The following SLC30A7 variants were observed in gnomAD, a reference collection of about 807,000 sequenced individuals.
The protein encoded by SLC30A7 is zinc transporter 7.
In SLC30A7, 35 loss-of-function variants were observed where a neutral mutation model predicts 46.0. The observed-to-expected ratio is 0.76, with a 90% CI of 0.58 to 1.01. The LOEUF is 1.01. Among genes scored for constraint, SLC30A7 ranks in the 50% least tolerant of loss-of-function variants. The pLI, the probability that SLC30A7 is intolerant of heterozygous loss-of-function variation, is 0.00. For synonymous variants in SLC30A7, 147 were observed against 157.8 expected, an observed-to-expected ratio of 0.93 and a Z score of 0.51; for missense variants, 464 against 451.1, an observed-to-expected ratio of 1.03 and a Z score of -0.26.
chr1:100,945,459 T>C (rs958920567), intron 8 of SLC30A7, among the ~76,000 whole-genome samples: 9 of 152,218 alleles, frequency 5.9e-5, no homozygotes, highest in African/African-American at 2.2e-4. Context: ...GAATTAATTT[T>C]TGTATAAGGT....
chr1:100,967,653 C>T (rs1239657786), intron 10 of SLC30A7, among the ~76,000 whole-genome samples: 1 of 152,198 alleles, frequency 6.6e-6, no homozygotes, highest in African/African-American at 2.4e-5. Context: ...TGAATCTAAC[C>T]ATGAGCAAAC....
chr1:100,911,137 CAGA>C lies in SLC30A7; in HGVS notation c.374_376del (p.Glu125del). On this transcript the variant is annotated inframe_deletion, in exon 4 of 11. Transcript: ENST00000357650. ...ATCTTCACTGCTTTTTTTATTTTCT[CAGA>C]AGGAGTTGAGGTATAGTAGATAATT... is the stretch of plus-strand genomic sequence containing the variant. 6.2e-7 allele frequency: 1 copy of C among 1,608,670 alleles called. No individual in the cohort carries two copies. Among genetic ancestry groups the C allele is most frequent in the Non-Finnish European group, 8.5e-7 (1 of 1,176,408 alleles).
the SLC30A7 span, among the ~76,000 whole-genome samples, chr1:100,994,205 G>C: frequency 1.3e-5 from 2 of 152,132 alleles, no homozygotes; most frequent in Non-Finnish European, 2.9e-5. Flanking sequence ...ATTGGAAATA[G>C]TTGATCTGTA....
intron 3 of SLC30A7, among the ~76,000 whole-genome samples, chr1:100,909,039 CTT>C (rs1651900934): frequency 2.2e-5 from 3 of 136,594 alleles, no homozygotes; most frequent in African/African-American, 8.2e-5. Context: ...CCTCTCCTCT[CTT>C]TATGTGTGTG....
intron 8 of SLC30A7, among the ~76,000 whole-genome samples, chr1:100,925,475 G>A (rs1357306739): frequency 6.6e-6 from 1 of 152,248 alleles, no homozygotes; most frequent in East Asian, 1.9e-4. Context: ...TATTTAAAGT[G>A]GACCAGGTGA....
At position 100,974,945 on chromosome 1, in the gene SLC30A7, G is replaced by C. The variant is rs1175361270; in HGVS notation, c.*88G>C. The C allele has an allele frequency of 8.7e-7, 1 of 1,148,138 alleles. No individual in the cohort carries two copies. The highest frequency in any genetic ancestry group is 1.3e-6 in the Non-Finnish European group (1 of 798,374). The allele number at this position is 1,148,138 out of a possible 1,614,324, so 71.1% of individuals were successfully genotyped here. A position where few individuals can be genotyped will look rare whatever the true frequency, so the allele number is the denominator to read the frequency against. On this transcript the variant is annotated 3_prime_UTR_variant, in exon 11 of 11. Coordinates refer to ENST00000357650, the MANE Select transcript of SLC30A7 (RefSeq NM_133496.5). ...ACATTGTACCCAGCTTTTTAAAAGA[G>C]AGAAATTATCACTACAACTCCCGAG...
At chr1:100,943,871 T>C (rs1654482262) in intron 8 of SLC30A7, among the ~76,000 whole-genome samples, 2 of 152,208 alleles carry the variant, frequency 1.3e-5, no homozygotes, top group South Asian at 4.1e-4. Flanking sequence ...TATAGGTTTA[T>C]AGCATAAACT....
chr1:100,916,935 T>A (rs1157277725), intron 6 of SLC30A7, among the ~76,000 whole-genome samples: 1 of 152,172 alleles, frequency 6.6e-6, no homozygotes, highest in Non-Finnish European at 1.5e-5. Flanking sequence ...TGATTGTGAG[T>A]TCTGTATATA....
At chr1:100,966,761 T>C (rs1324953749) in intron 10 of SLC30A7, among the ~76,000 whole-genome samples, 1 of 152,210 alleles carries the variant, frequency 6.6e-6, no homozygotes, top group Admixed American at 6.5e-5. Flanking sequence ...GCACATTTCT[T>C]ATAAGATATG....
At chr1:100,992,523 C>T in the SLC30A7 span, 1 of 675,998 alleles carries the variant, frequency 1.5e-6, no homozygotes, top group Non-Finnish European at 2.4e-6. Flanking sequence ...AGAAATAGTA[C>T]AATACAAAAA....
chr1:100,992,765 C>G, the SLC30A7 span: 1 of 1,518,092 alleles, frequency 6.6e-7, no homozygotes, highest in Non-Finnish European at 9.1e-7. Context: ...CTAGATGCCA[C>G]TGTTCTTAGC....
At chr1:100,902,480 G>A (rs1182743365) in intron 2 of SLC30A7, among the ~76,000 whole-genome samples, 4 of 152,150 alleles carry the variant, frequency 2.6e-5, no homozygotes, top group African/African-American at 9.7e-5. Context: ...AAAAAGGAGT[G>A]TGTGTTAGTT....
At chr1:100,940,181 G>A (rs369089193) in intron 8 of SLC30A7, among the ~76,000 whole-genome samples, 9 of 152,234 alleles carry the variant, frequency 5.9e-5, no homozygotes, top group East Asian at 5.8e-4. Flanking sequence ...GTGGAAAAAA[G>A]ATGGCTTCCC....
At position 100,977,453 on chromosome 1, in the gene SLC30A7, C is replaced by T. The variant is rs953971939; in HGVS notation, c.*2596C>T. On this transcript the variant is annotated 3_prime_UTR_variant, in exon 11 of 11. Transcript: ENST00000357650. ...TGAGAAAAAGCAACTTTTTGTCACT[C>T]TTAGGAAATATTTTGTCTTATTAGT... is the stretch of plus-strand genomic sequence containing the variant. The T allele has an allele frequency of 1.3e-5, 2 of 152,128 alleles. No homozygotes were observed. Among genetic ancestry groups the T allele is most frequent in the African/African-American group, 4.8e-5 (2 of 41,420 alleles). The allele number at this position is 152,128 out of a possible 1,614,324, so 9.4% of individuals were successfully genotyped here. A position where few individuals can be genotyped will look rare whatever the true frequency, so the allele number is the denominator to read the frequency against.
At chr1:100,941,754 T>C (rs1654364297) in intron 8 of SLC30A7, 2 of 631,796 alleles carry the variant, frequency 3.2e-6, no homozygotes, top group East Asian at 6.8e-5. Context: ...TGACTGCATC[T>C]ACCTCCTCCA....
At chr1:100,898,635 T>G (rs1171026696) in intron 2 of SLC30A7, among the ~76,000 whole-genome samples, 1 of 152,188 alleles carries the variant, frequency 6.6e-6, no homozygotes, top group Non-Finnish European at 1.5e-5. Flanking sequence ...CTCTTGTCAT[T>G]GATATTTGGG....
intron 8 of SLC30A7, among the ~76,000 whole-genome samples, chr1:100,948,084 T>C (rs886792832): frequency 1.4e-4 from 22 of 152,226 alleles, no homozygotes; most frequent in Non-Finnish European, 2.9e-4. Context: ...AATTTGATCC[T>C]GTCATTATGA....
intron 3 of SLC30A7, among the ~76,000 whole-genome samples, chr1:100,907,709 C>G (rs1557975910): frequency 2.0e-5 from 3 of 151,552 alleles, no homozygotes; most frequent in African/African-American, 7.3e-5. Flanking sequence ...CCTTTTCCTC[C>G]TCTTCTCTTC....
chr1:100,987,646 A>AT, the SLC30A7 span, among the ~76,000 whole-genome samples: 37 of 141,440 alleles, frequency 2.6e-4, no homozygotes, highest in African/African-American at 8.7e-4. Context: ...TTATGTTCGG[A>AT]TTTTTTTTTC....
Sources: allele counts gnomAD v4.1 joint callset (sites outside exome capture counted in the v4.1 genomes callset), GRCh38; gene constraint gnomAD v4.1.1; transcripts MANE v1.5; gene names NCBI Gene and HGNC (gene_info 2026-07-23, HGNC 2026-07-21).